ZMYM2: variants seen among roughly 807,000 people sequenced by gnomAD.
ZMYM2 encodes the protein zinc finger MYM-type protein 2.
In ZMYM2, 56 loss-of-function variants were observed where a neutral mutation model predicts 162.8. That is an observed-to-expected ratio of 0.34 (90% CI 0.28 to 0.43). The LOEUF is 0.43. Ranked by LOEUF, ZMYM2 falls within the 20% of genes least tolerant of loss-of-function variation. The pLI is 1.00. For synonymous variants in ZMYM2, 510 were observed against 541.6 expected (o/e 0.94, Z 0.81); for missense variants, 1,275 against 1,621.8 (o/e 0.79, Z 3.67).
In ZMYM2 at chr13:20,082,987, T is replaced by G; in HGVS notation, c.3775T>G (p.Cys1259Gly). The G allele has an allele frequency of 6.2e-7, 1 of 1,613,928 alleles. No homozygotes were observed. Among genetic ancestry groups the G allele is most frequent in the Non-Finnish European group, 8.5e-7 (1 of 1,179,830 alleles). Residue 1259 changes from cysteine to glycine, a missense_variant, in exon 23 of 25, where the codon TGT becomes GGT. Physicochemically the swap from Cys to Gly is radical, Grantham distance 159. Around this residue, in one of 10 missense-constraint regions of ZMYM2, gnomAD observed 103 missense variants for 192.2 expected, o/e 0.54. Coordinates refer to ENST00000610343, the MANE Select transcript of ZMYM2 (RefSeq NM_197968.4). ...TCCTTTAACGATGGAAAACAAAGCGTGTCTTCGATACCAAGTGTCTTCCTT... is the reference window on the plus strand; with the variant it reads ...TCCTTTAACGATGGAAAACAAAGCGGGTCTTCGATACCAAGTGTCTTCCTT... ...KNPLTMENKA[C>G]LRYQVSSLCG... is the part of the protein sequence containing the mutation.
At chr13:20,081,944 A>C (rs375516956) in intron 21 of ZMYM2, 72 bp from the exon 22 acceptor site, 20 of 858,362 alleles carry the variant, frequency 2.3e-5, no homozygotes, top group Middle Eastern at 3.6e-4. Flanking sequence ...AGAAATACGG[A>C]GTGTAATATG....
chr13:20,027,294 T>C lies in ZMYM2; in HGVS notation c.1827T>C (p.Asn609=), dbSNP rs567751559. 1.9e-6 allele frequency: 3 copies of C among 1,574,332 alleles called. No individual in the cohort carries two copies. Among genetic ancestry groups the C allele is most frequent in the African/African-American group, 1.3e-5 (1 of 74,316 alleles). The stretch of plus-strand genomic sequence containing the variant: ...ATGGAAAACTGTACAACTTTTGCAA[T>C]TCCAGTTGTGTGGCTAAATTTCAGG... ...MPDGKLYNFC[N]SSCVAKFQAL... is the part of the protein sequence containing the mutation. Residue 609 remains asparagine (N), a synonymous_variant, in exon 9 of 25, where the codon AAT becomes AAC. Coordinates refer to ENST00000610343, the MANE Select transcript of ZMYM2 (RefSeq NM_197968.4).
At chr13:19,884,628 G>A in the ZMYM2 span, among the ~76,000 whole-genome samples, 1 of 152,174 alleles carries the variant, frequency 6.6e-6, no homozygotes, top group East Asian at 1.9e-4. Context: ...TGTTAAAGGT[G>A]ACACGTACTT....
the ZMYM2 span, among the ~76,000 whole-genome samples, chr13:19,941,136 C>A: frequency 6.6e-6 from 1 of 151,962 alleles, no homozygotes; most frequent in Non-Finnish European, 1.5e-5. Context: ...TGGTGAAACC[C>A]TGTCTCTATA....
chr13:19,941,803 G>A, the ZMYM2 span, among the ~76,000 whole-genome samples: 2 of 129,328 alleles, frequency 1.5e-5, no homozygotes, highest in Non-Finnish European at 3.1e-5. Flanking sequence ...AAGCTGCCAT[G>A]TGGTGGCACC....
the ZMYM2 span, among the ~76,000 whole-genome samples, chr13:19,931,153 T>TAAAA: frequency 2.2e-5 from 3 of 136,378 alleles, no homozygotes; most frequent in African/African-American, 8.5e-5. Context: ...AAAAAAATAA[T>TAAAA]AATAATAATA....
chr13:20,024,715 A>C (rs1215166917), intron 7 of ZMYM2: 1 of 220,342 alleles, frequency 4.5e-6, no homozygotes, highest in Non-Finnish European at 9.1e-6. Flanking sequence ...AAAAAAGCAG[A>C]GCATTCTCTT....
the ZMYM2 span, among the ~76,000 whole-genome samples, chr13:19,883,205 G>C: frequency 6.6e-6 from 1 of 152,166 alleles, no homozygotes; most frequent in Non-Finnish European, 1.5e-5. Flanking sequence ...TAAACCTATA[G>C]AGACAGGAAC....
rs1206181114 is a variant in ZMYM2 at position 20,086,575 on chromosome 13, C to G, written c.*561C>G. 4.9e-6 allele frequency: 1 copy of G among 205,672 alleles called. No individual in the cohort carries two copies. Among genetic ancestry groups the G allele is most frequent in the Non-Finnish European group, 1.0e-5 (1 of 100,424 alleles). 12.7% of individuals were successfully genotyped at this position (205,672 alleles called of 1,614,324 possible). On this transcript the variant is annotated 3_prime_UTR_variant, in exon 25 of 25. Transcript: ENST00000610343. The stretch of plus-strand genomic sequence containing the variant: ...CCTTACAAGGTTATGTAGAGAGATA[C>G]CATCTTCTGTACCAAAAATAGACAA...
chr13:19,963,646 T>C (rs1174517441), intron 2 of ZMYM2, among the ~76,000 whole-genome samples: 1 of 152,200 alleles, frequency 6.6e-6, no homozygotes, highest in Non-Finnish European at 1.5e-5. Flanking sequence ...CATCACCAAA[T>C]GCTTGGCAAC....
chr13:19,940,147 G>T, the ZMYM2 span, among the ~76,000 whole-genome samples: 1 of 152,254 alleles, frequency 6.6e-6, no homozygotes, highest in South Asian at 2.1e-4. Flanking sequence ...TTATGAGGAA[G>T]GCTCCCATTG....
chr13:19,891,147 TGAAGTCATAAGGGTGG>T, the ZMYM2 span, among the ~76,000 whole-genome samples: 1 of 151,870 alleles, frequency 6.6e-6, no homozygotes, highest in South Asian at 2.1e-4. Flanking sequence ...TAAGGTTAAG[TGAAGTCATAAGGGTGG>T]TCTTCACTCT....
intron 3 of ZMYM2, among the ~76,000 whole-genome samples, chr13:19,998,068 T>C (rs1356276581): frequency 6.6e-6 from 1 of 152,206 alleles, no homozygotes; most frequent in Admixed American, 6.5e-5. Context: ...AGAAAAACTG[T>C]ACACAAAGAG....
the ZMYM2 span, among the ~76,000 whole-genome samples, chr13:19,950,820 A>G: frequency 2.6e-5 from 4 of 152,244 alleles, no homozygotes; most frequent in African/African-American, 9.6e-5. Context: ...ATAAAATCAT[A>G]GAATTTATTG....
intron 2 of ZMYM2, among the ~76,000 whole-genome samples, chr13:19,969,200 C>A (rs913491802): frequency 1.3e-5 from 2 of 152,214 alleles, no homozygotes; most frequent in Non-Finnish European, 2.9e-5. Flanking sequence ...TGGACGTATT[C>A]ATCGCAGTCT....
chr13:20,068,637 G>A (rs1956857009), intron 21 of ZMYM2, among the ~76,000 whole-genome samples: 1 of 152,114 alleles, frequency 6.6e-6, no homozygotes, highest in South Asian at 2.1e-4. Flanking sequence ...TTATACCTAG[G>A]AGGGAGGGGG....
chr13:20,072,537 A>AATAC (rs1412466342), intron 21 of ZMYM2, among the ~76,000 whole-genome samples: 1 of 152,080 alleles, frequency 6.6e-6, no homozygotes, highest in Non-Finnish European at 1.5e-5. Context: ...TAAATAAATA[A>AATAC]ATAATAATTT....
intron 9 of ZMYM2, among the ~76,000 whole-genome samples, chr13:20,027,523 T>A (rs1041516091): frequency 1.3e-5 from 2 of 152,178 alleles, no homozygotes; most frequent in Non-Finnish European, 2.9e-5. Flanking sequence ...TTATAATTAT[T>A]ACTCTGATAC....
intron 21 of ZMYM2, among the ~76,000 whole-genome samples, chr13:20,076,447 T>C (rs1019792101): frequency 2.0e-5 from 3 of 150,610 alleles, no homozygotes; most frequent in Admixed American, 6.6e-5. Context: ...TTAAAGATAT[T>C]AACAGATTTC....
Sources: allele counts gnomAD v4.1 joint callset (sites outside exome capture counted in the v4.1 genomes callset), GRCh38; gene constraint gnomAD v4.1.1; regional missense constraint gnomAD v4.1.1; transcripts MANE v1.5; gene names NCBI Gene and HGNC (gene_info 2026-07-23, HGNC 2026-07-21).